The following FERMT3 variants were observed in gnomAD, a reference collection of about 807,000 sequenced individuals.
FERMT3 encodes the protein FERM domain containing kindlin 3.
In FERMT3, 33 loss-of-function variants were observed where a neutral mutation model predicts 80.8. The ratio of observed to expected loss-of-function variants is 0.41; its 90% CI spans 0.31 to 0.55. The LOEUF (loss-of-function observed/expected upper bound fraction) is 0.55, where lower values mean the gene tolerates loss of function less well. FERMT3 is among the 20% of genes least tolerant of loss of function. The pLI is 0.31. For missense variants in FERMT3, 754 were observed against 908.7 expected, an observed-to-expected ratio of 0.83 and a Z score of 2.19; for synonymous variants, 375 against 372.2, an observed-to-expected ratio of 1.01 and a Z score of -0.09.
chr11:64,221,970 G>T (rs539281795), intron 13 of FERMT3, among the ~76,000 whole-genome samples: 2 of 151,566 alleles, frequency 1.3e-5, no homozygotes, highest in African/African-American at 4.9e-5. Context: ...GGGGCACGGT[G>T]GTTCACGTCT....
rs371103107 is a variant in FERMT3, at chr11:64,220,485, G to A, written c.1361G>A (p.Gly454Asp). The change falls in exon 12 of 15, where the codon GGC (glycine) becomes GAC (aspartate). Residue 454 changes from glycine (G) to aspartate (D), a missense_variant. Coordinates refer to ENST00000345728, the MANE Select transcript of FERMT3 (RefSeq NM_031471.6). ...GCTGGCTGCCGCCTGGCCTCCAAAG[G>A]CCGCACCATGGCCGACAGCAGCTAC... ...WMAGCRLASK[G>D]RTMADSSYTS... 6.8e-6 allele frequency: 11 copies of A among 1,609,488 alleles called. No individual in the cohort carries two copies. Among genetic ancestry groups the A allele is most frequent in the South Asian group, 6.6e-5 (6 of 90,810 alleles).
chr11:64,220,307 T>C lies in FERMT3; in HGVS notation c.1292T>C (p.Ile431Thr). The C allele has an allele frequency of 1.2e-6, 2 of 1,613,772 alleles. No individual in the cohort carries two copies. Among genetic ancestry groups the C allele is most frequent in the Non-Finnish European group, 1.7e-6 (2 of 1,179,922 alleles). ...LVPSPEGMSE[I>T]YLRCQDEQQY... ...CCCTCCCCTGAGGGCATGAGTGAGA[T>C]CTACCTGCGGTGCCAGGATGTGAGT... The change falls in exon 11 of 15, where the codon ATC becomes ACC. Residue 431 changes from isoleucine to threonine, a missense_variant. Coordinates refer to ENST00000345728, the MANE Select transcript of FERMT3 (RefSeq NM_031471.6).
At position 64,207,505 on chromosome 11, in the gene FERMT3, G is replaced by A. The variant is rs1369138805; in HGVS notation, c.141G>A (p.Leu47=). 1 of 1,612,328 alleles carries A rather than the reference G, an allele frequency of 6.2e-7. No homozygotes were observed. Among genetic ancestry groups the A allele is most frequent in the Non-Finnish European group, 8.5e-7 (1 of 1,178,976 alleles). Reference sequence around the variant, plus strand: ...AGTCGCACATCGGCGGGGTGCTCCTGAAGATTGTGGAGCAGATCAGTGAGT... The same window carrying A: ...AGTCGCACATCGGCGGGGTGCTCCTAAAGATTGTGGAGCAGATCAGTGAGT... ...TGESHIGGVL[L]KIVEQINRKQ... Residue 47 remains leucine (L), a synonymous_variant, in exon 2 of 15, where the codon CTG becomes CTA. Coordinates refer to ENST00000345728, the MANE Select transcript of FERMT3 (RefSeq NM_031471.6).
intron 6 of FERMT3, among the ~76,000 whole-genome samples, chr11:64,212,557 C>T (rs970868338): frequency 3.3e-5 from 5 of 152,226 alleles, no homozygotes; most frequent in Admixed American, 2.0e-4. Flanking sequence ...ATGTCCCACC[C>T]GCTTCTTACT....
rs1203207423 is a variant in FERMT3 at position 64,223,602 on chromosome 11, G to A, written c.*110G>A. 7.6e-7 allele frequency: 1 copy of A among 1,323,696 alleles called. No individual in the cohort carries two copies. Among genetic ancestry groups the A allele is most frequent in the Non-Finnish European group, 1.0e-6 (1 of 955,910 alleles). 82.0% of individuals were successfully genotyped at this position (1,323,696 alleles called of 1,614,324 possible). On this transcript the variant is annotated 3_prime_UTR_variant, in exon 15 of 15. Coordinates refer to ENST00000345728, the MANE Select transcript of FERMT3 (RefSeq NM_031471.6). ...CCCGCTCCAGGCAGGCACCCAGCTG[G>A]GCATTTCACCTGCTGTCACTGACTT...
In FERMT3 at chr11:64,207,341, C is replaced by T. The variant is rs201247015; in HGVS notation, c.-14-10C>T. ...CCTGCCCACCTTGCCTCCTTCCACA[C>T]TCTCTGTAGCAGCAGCCGCAGCCAT... On this transcript the variant is annotated splice_polypyrimidine_tract_variant and intron_variant, in intron 1 of 14. Coordinates refer to ENST00000345728, the MANE Select transcript of FERMT3 (RefSeq NM_031471.6). 4.3e-6 allele frequency: 7 copies of T among 1,613,834 alleles called. No individual in the cohort carries two copies. In the Admixed American group the frequency reaches 6.7e-5, roughly 15 times the overall value.
rs121918295 is a variant in FERMT3 at position 64,220,649 on chromosome 11, C to T, written c.1525C>T (p.Arg509Ter). The T allele has an allele frequency of 6.2e-7, 1 of 1,611,344 alleles. No homozygotes were observed. Among genetic ancestry groups the T allele is most frequent in the Non-Finnish European group, 8.5e-7 (1 of 1,179,244 alleles). ...CGGCCTCGTTGCCCCCCGTTTCCAG[C>T]GAAAGTTCAAGGCCAAGCAGGTACC... ...PYGLVAPRFQ[R>*]KFKAKQLTPR... is the part of the protein sequence containing the mutation. The change falls in exon 12 of 15, where the codon CGA (arginine) becomes TGA (stop). Residue 509 changes from arginine (R) to a stop codon, truncating the protein, a stop_gained. Coordinates refer to ENST00000345728, the MANE Select transcript of FERMT3 (RefSeq NM_031471.6). LOFTEE classifies it high-confidence loss of function.
rs1029144078 is a variant in FERMT3 at position 64,211,500 on chromosome 11, C to A, written c.683+57C>A. 3.5e-5 allele frequency: 54 copies of A among 1,524,546 alleles called. No homozygotes were observed. Among genetic ancestry groups the A allele is most frequent in the Non-Finnish European group, 4.7e-5 (54 of 1,137,484 alleles). 94.4% of individuals were successfully genotyped at this position (1,524,546 alleles called of 1,614,324 possible). A position where few individuals can be genotyped will look rare whatever the true frequency, so the allele number is the denominator to read the frequency against. ...GGCTCCCCCACCCAGGATCCACCCC[C>A]TGTCCCGTGTCTGTGCCCACCCCAG... is the stretch of plus-strand genomic sequence containing the variant. On this transcript the variant is annotated intron_variant, in intron 5 of 14. Transcript: ENST00000345728. This position sits in a 1 kb window ranked among gnomAD's most constrained non-coding sequence, Gnocchi z 4.7.
intron 6 of FERMT3, among the ~76,000 whole-genome samples, chr11:64,214,889 G>C (rs1363231436): frequency 6.7e-6 from 1 of 149,304 alleles, no homozygotes; most frequent in Non-Finnish European, 1.5e-5. Context: ...TGCAACCTCT[G>C]CCTCCTGGGT....
intron 2 of FERMT3, chr11:64,207,770 A>C (rs1200002436): frequency 6.2e-6 from 3 of 487,240 alleles, no homozygotes; most frequent in Middle Eastern, 5.5e-4. Flanking sequence ...ACAATCCTCC[A>C]TTCAGCCACC....
chr11:64,209,188 C>T (rs963982548), intron 2 of FERMT3, among the ~76,000 whole-genome samples: 5 of 152,142 alleles, frequency 3.3e-5, no homozygotes, highest in African/African-American at 1.2e-4. Flanking sequence ...GGAGAGGGCA[C>T]CTCTGTGCAC....
rs1377096561 is a variant in FERMT3 at position 64,219,823 on chromosome 11, G to T, written c.1079+34G>T. On this transcript the variant is annotated intron_variant, in intron 9 of 14. Transcript: ENST00000345728. The surrounding 1 kb of genome is among the most constrained non-coding windows in gnomAD (Gnocchi z 4.0). ...GGGGCCAGAGTAGGCAGCCCTGCTG[G>T]AGGGGTTGGTCTGCATATGGAGGGA... is the stretch of plus-strand genomic sequence containing the variant. The T allele has an allele frequency of 6.2e-7, 1 of 1,614,012 alleles. No homozygotes were observed. Among genetic ancestry groups the T allele is most frequent in the Admixed American group, 1.7e-5 (1 of 60,024 alleles).
At position 64,211,496 on chromosome 11, in the gene FERMT3, C is replaced by A. The variant is rs1355747172; in HGVS notation, c.683+53C>A. 1.8e-5 allele frequency: 28 copies of A among 1,533,652 alleles called. No homozygotes were observed. The highest frequency in any genetic ancestry group is 2.3e-5 in the Non-Finnish European group (26 of 1,141,350). ...TCAGGGCTCCCCCACCCAGGATCCA[C>A]CCCCTGTCCCGTGTCTGTGCCCACC... On this transcript the variant is annotated intron_variant, in intron 5 of 14. Coordinates refer to ENST00000345728, the MANE Select transcript of FERMT3 (RefSeq NM_031471.6). The surrounding 1 kb of genome is among the most constrained non-coding windows in gnomAD (Gnocchi z 4.7).
At chr11:64,220,799 T>C (rs1025997029) in intron 12 of FERMT3, 130 bp downstream of exon 12, 15 of 1,269,344 alleles carry the variant, frequency 1.2e-5, no homozygotes, top group Non-Finnish European at 1.6e-5. Context: ...TCCCTGAGAT[T>C]GTGCGGCTGG....
Position 64,219,148 on chromosome 11 carries a change from G to A in FERMT3, c.787-103G>A. 9.2e-7 allele frequency: 1 copy of A among 1,086,536 alleles called. No homozygotes were observed. Among genetic ancestry groups the A allele is most frequent in the East Asian group, 2.6e-5 (1 of 38,650 alleles). The allele number at this position is 1,086,536 out of a possible 1,614,324, so 67.3% of individuals were successfully genotyped here. On this transcript the variant is annotated intron_variant, in intron 6 of 14. Transcript: ENST00000345728. This position sits in a 1 kb window ranked among gnomAD's most constrained non-coding sequence, Gnocchi z 4.0. ...CTGAATGAATCTGCCTCAGCAAGGA[G>A]GGCAGGGCAGAGGGCCAAGGCTGGC...
Position 64,211,609 on chromosome 11 carries a change from G to C in FERMT3, c.684-36G>C. 1 of 1,605,912 alleles carries C rather than the reference G, an allele frequency of 6.2e-7. No homozygotes were observed. Among genetic ancestry groups the C allele is most frequent in the Non-Finnish European group, 8.5e-7 (1 of 1,176,018 alleles). The stretch of plus-strand genomic sequence containing the variant: ...CCCTCCCCACCCCACGGCCGTACCT[G>C]GCGCAGCCCTGACTGCTGCTTCTGC... On this transcript the variant is annotated intron_variant, in intron 5 of 14. Coordinates refer to ENST00000345728, the MANE Select transcript of FERMT3 (RefSeq NM_031471.6). The surrounding 1 kb of genome is among the most constrained non-coding windows in gnomAD (Gnocchi z 4.7).
chr11:64,220,400 T>A (rs776838226), intron 11 of FERMT3, 36 bp from the exon 12 acceptor site: 2 of 1,609,690 alleles, frequency 1.2e-6, no homozygotes, highest in South Asian at 1.1e-5. Context: ...AGCATCAAGC[T>A]TGGTTAGCAC....
intron 2 of FERMT3, among the ~76,000 whole-genome samples, chr11:64,209,349 T>C (rs994132394): frequency 2.0e-5 from 3 of 152,070 alleles, no homozygotes; most frequent in Non-Finnish European, 4.4e-5. Context: ...GGTTTCTGGC[T>C]GGGGGCCCAG....
rs762543305 is a variant in FERMT3 at position 64,219,659 on chromosome 11, G to A, written c.1029+1G>A. On this transcript the variant is annotated splice_donor_variant, in intron 8 of 14. Coordinates refer to ENST00000345728, the MANE Select transcript of FERMT3 (RefSeq NM_031471.6). LOFTEE classifies it high-confidence loss of function. This position sits in a 1 kb window ranked among gnomAD's most constrained non-coding sequence, Gnocchi z 4.0. ...GGGGTCGGCGCCCACAGATGTGCTG[G>A]TGAGGAGGGGCTCAGGGCAGGGGCT... 6.2e-7 allele frequency: 1 copy of A among 1,613,816 alleles called. No homozygotes were observed. The highest frequency in any genetic ancestry group is 1.1e-5 in the South Asian group (1 of 91,084).
Sources: gnomAD v4.1 joint callset for allele counts (sites outside exome capture counted in the v4.1 genomes callset) on GRCh38, gnomAD v4.1.1 for gene constraint, Gnocchi (gnomAD v3.1) non-coding constraint, MANE v1.5 for transcripts, NCBI Gene and HGNC (gene_info 2026-07-23, HGNC 2026-07-21) for gene names.